The following MIGA1 variants were observed in gnomAD, a reference collection of about 807,000 sequenced individuals.
The protein encoded by MIGA1 is mitoguardin 1, also known as family with sequence similarity 73, member A.
MIGA1 carries 58 observed loss-of-function variants against 82.0 expected under a neutral mutation model. The observed-to-expected ratio is 0.71, with a 90% CI of 0.57 to 0.88. The LOEUF is 0.88. Among genes scored for constraint, MIGA1 ranks in the 40% least tolerant of loss-of-function variants. The probability of loss-of-function intolerance (pLI) is 0.00; values close to 1 mark genes in which losing one functional copy is unlikely to be tolerated. For synonymous variants in MIGA1, 249 were observed against 253.6 expected (o/e 0.98, Z 0.17); for missense variants, 751 against 749.1 (o/e 1.00, Z -0.03).
intron 10 of MIGA1, 129 bp from the exon 11 acceptor site, chr1:77,859,911 G>GAGCT: frequency 1.6e-6 from 1 of 611,904 alleles, no homozygotes; most frequent in East Asian, 3.0e-5. Flanking sequence ...CTTTCTCTGT[G>GAGCT]AGCTGCCTGT....
At chr1:77,857,309 C>A (rs888462408) in intron 8 of MIGA1, among the ~76,000 whole-genome samples, 1 of 135,576 alleles carries the variant, frequency 7.4e-6, no homozygotes, top group Non-Finnish European at 1.6e-5. Context: ...CTCTTTGTTG[C>A]CTGTGTACTT....
At chr1:77,789,744 C>T (rs762028297) in intron 2 of MIGA1, among the ~76,000 whole-genome samples, 25 of 151,642 alleles carry the variant, frequency 1.6e-4, no homozygotes, top group Non-Finnish European at 2.2e-4. Flanking sequence ...ATAAAACCCT[C>T]GTAATCCTTG....
chr1:77,842,204 A>T (rs866101340), intron 7 of MIGA1, among the ~76,000 whole-genome samples: 5 of 152,170 alleles, frequency 3.3e-5, no homozygotes, highest in African/African-American at 1.2e-4. Context: ...TTTGAAGTTT[A>T]TCACTTGTTT....
At chr1:77,853,704 AAACAAC>A in intron 8 of MIGA1, 1 of 282,594 alleles carries the variant, frequency 3.5e-6, no homozygotes, top group Non-Finnish European at 6.8e-6. Context: ...AAAAACAAAC[AAACAAC>A]ACACACACAC....
At chr1:77,862,614 G>C (rs922755440) in intron 12 of MIGA1, among the ~76,000 whole-genome samples, 2 of 151,916 alleles carry the variant, frequency 1.3e-5, no homozygotes, top group African/African-American at 2.4e-5. Flanking sequence ...GCCAGGCATG[G>C]AGCGCATGCC....
chr1:77,813,140 C>A (rs138001814), intron 5 of MIGA1, among the ~76,000 whole-genome samples: 2 of 152,078 alleles, frequency 1.3e-5, no homozygotes, highest in Admixed American at 1.3e-4. Context: ...TATCACCACA[C>A]CTGGCTGCTT....
intron 4 of MIGA1, among the ~76,000 whole-genome samples, chr1:77,805,087 T>C (rs1046201221): frequency 1.3e-5 from 2 of 150,400 alleles, no homozygotes; most frequent in Non-Finnish European, 3.0e-5. Flanking sequence ...CTCTGCCTCC[T>C]GGGTTCATGC....
At chr1:77,832,650 T>C (rs1684282553) in intron 7 of MIGA1, among the ~76,000 whole-genome samples, 1 of 152,130 alleles carries the variant, frequency 6.6e-6, no homozygotes, top group South Asian at 2.1e-4. Context: ...GTGGAGCCTG[T>C]TTAGGGAACT....
intron 7 of MIGA1, among the ~76,000 whole-genome samples, chr1:77,833,229 G>T (rs1234352820): frequency 6.6e-6 from 1 of 152,154 alleles, no homozygotes; most frequent in Non-Finnish European, 1.5e-5. Context: ...TTTAGGGAAT[G>T]ATATGAATTG....
intron 7 of MIGA1, among the ~76,000 whole-genome samples, chr1:77,821,862 G>A (rs1055421655): frequency 1.3e-5 from 2 of 152,144 alleles, no homozygotes; most frequent in Non-Finnish European, 2.9e-5. Context: ...CCTGAGGCAT[G>A]ACACTGTCAA....
intron 7 of MIGA1, among the ~76,000 whole-genome samples, chr1:77,815,567 C>A (rs998161583): frequency 6.6e-6 from 1 of 152,056 alleles, no homozygotes; most frequent in African/African-American, 2.4e-5. Flanking sequence ...CAGAAATATG[C>A]ATATAATATT....
At chr1:77,809,471 A>G (rs1683232316) in intron 5 of MIGA1, among the ~76,000 whole-genome samples, 1 of 152,130 alleles carries the variant, frequency 6.6e-6, no homozygotes, top group Admixed American at 6.6e-5. Context: ...GTGGTGGCAC[A>G]TGCTTGTAGT....
chr1:77,853,606 G>A (rs1337080399), intron 8 of MIGA1: 2 of 165,078 alleles, frequency 1.2e-5, no homozygotes, highest in Non-Finnish European at 1.3e-5. Context: ...TTGAGCCTGG[G>A]AAGTTGAGGC....
Position 77,877,512 on chromosome 1 carries a change from C to T in MIGA1, c.*2448C>T, listed in dbSNP as rs1471885966. The T allele has an allele frequency of 6.6e-6, 1 of 152,304 alleles. No homozygotes were observed. The highest frequency in any genetic ancestry group is 1.5e-5 in the Non-Finnish European group (1 of 68,022). The allele number at this position is 152,304 out of a possible 1,614,324, so 9.4% of individuals were successfully genotyped here. On this transcript the variant is annotated 3_prime_UTR_variant, in exon 16 of 16. Transcript: ENST00000370791. ...ACTGTTTACTTTTTATTTAATATTA[C>T]ATGTTTTTACCTTGTTGCGGTATCT... is the stretch of plus-strand genomic sequence containing the variant.
intron 8 of MIGA1, among the ~76,000 whole-genome samples, chr1:77,849,806 A>G (rs1299139428): frequency 6.6e-6 from 1 of 151,688 alleles, no homozygotes; most frequent in Admixed American, 6.6e-5. Flanking sequence ...GGAGACCGAG[A>G]TGGGTGATCA....
intron 7 of MIGA1, among the ~76,000 whole-genome samples, chr1:77,822,835 G>GTTTTTTT (rs752488187): frequency 1.8e-5 from 2 of 109,378 alleles, no homozygotes; most frequent in African/African-American, 6.8e-5. Flanking sequence ...CTTTCAGCAT[G>GTTTTTTT]TTTTTTTTTT....
intron 13 of MIGA1, 37 bp downstream of exon 13, chr1:77,864,065 T>G: frequency 1.3e-6 from 2 of 1,594,276 alleles, no homozygotes; most frequent in Non-Finnish European, 1.7e-6. Flanking sequence ...CTTTTAAGTT[T>G]GATTAAAAAG....
At chr1:77,874,746 G>A (rs1330302040) in intron 15 of MIGA1, 100 bp from the exon 16 acceptor site, 2 of 773,192 alleles carry the variant, frequency 2.6e-6, no homozygotes, top group Admixed American at 5.0e-5. Context: ...TGGAAGTCAG[G>A]TCTTCTGAGT....
At chr1:77,812,121 C>G (rs1175624782) in intron 5 of MIGA1, among the ~76,000 whole-genome samples, 1 of 151,866 alleles carries the variant, frequency 6.6e-6, no homozygotes, top group African/African-American at 2.4e-5. Flanking sequence ...TGAGACCAGC[C>G]TAGGTAACAT....
Sources: allele counts gnomAD v4.1 joint callset (sites outside exome capture counted in the v4.1 genomes callset), GRCh38; gene constraint gnomAD v4.1.1; transcripts MANE v1.5; gene names NCBI Gene and HGNC (gene_info 2026-07-23, HGNC 2026-07-21).